The following HDAC9 variants were observed in gnomAD, a reference collection of about 807,000 sequenced individuals.
HDAC9 encodes histone deacetylase 9, also known as MEF-2 interacting transcription repressor (MITR) protein.
Under a neutral mutation model 139.4 loss-of-function variants are expected in HDAC9, and 41 were observed. That is an observed-to-expected ratio of 0.29 (90% CI 0.23 to 0.38). The LOEUF is 0.38. Among genes scored for constraint, HDAC9 ranks in the 10% least tolerant of loss-of-function variants. HDAC9 has a pLI of 1.00. For missense variants in HDAC9, 1,147 were observed against 1,297.0 expected, an observed-to-expected ratio of 0.88 and a Z score of 1.78; for synonymous variants, 517 against 476.2, an observed-to-expected ratio of 1.09 and a Z score of -1.12.
chr7:18,728,652 T>G lies in HDAC9; in HGVS notation c.1909+895T>G, dbSNP rs148444698. ...TACCTTCCCCAAAGGCTCTTTTGAG[T>G]TCTCTGATTTATTTTAAAATCCATT... On this transcript the variant is annotated intron_variant, in intron 13 of 25. Transcript: ENST00000686413. Among the ~76,000 whole-genome samples, 419 of 152,318 alleles carry G rather than the reference T, an allele frequency of 2.8e-3. 3 individuals carry two copies. The highest frequency in any genetic ancestry group is 9.5e-3 in the African/African-American group (396 of 41,574).
intron 11 of HDAC9, among the ~76,000 whole-genome samples, chr7:18,654,832 A>C (rs144163735): frequency 2.6e-4 from 39 of 152,248 alleles, no homozygotes; most frequent in Middle Eastern, 3.4e-3. Context: ...ACCTCCTTCA[A>C]GTTACTCACT....
chr7:18,626,045 A>G (rs906670841), intron 6 of HDAC9, among the ~76,000 whole-genome samples: 6 of 149,634 alleles, frequency 4.0e-5, no homozygotes, highest in Non-Finnish European at 7.4e-5. Context: ...ATAGACTTTT[A>G]TGAAGGGACT....
At chr7:18,831,796 C>CAA (rs140010219) in intron 19 of HDAC9, among the ~76,000 whole-genome samples, 14 of 142,372 alleles carry the variant, frequency 9.8e-5, no homozygotes, top group African/African-American at 3.6e-4. Flanking sequence ...TTTCCGTAGC[C>CAA]AAAAAAAAAA....
chr7:18,704,337 A>G lies in HDAC9; in HGVS notation c.1732-23243A>G, dbSNP rs1783722891. ...TTGGGACTTTTCCTTGCTTAGGAAT[A>G]TTAGAAGTATTGTGGGCTCTTCCTT... is the stretch of plus-strand genomic sequence containing the variant. On this transcript the variant is annotated intron_variant, in intron 12 of 25. Coordinates refer to ENST00000686413, the MANE Select transcript of HDAC9 (RefSeq NM_178425.4). 1.3e-5 allele frequency among the ~76,000 whole-genome samples: 2 copies of G among 152,208 alleles called. 1 individual carries two copies. Among genetic ancestry groups the G allele is most frequent in the South Asian group, 4.1e-4 (2 of 4,830 alleles).
intron 13 of HDAC9, among the ~76,000 whole-genome samples, chr7:18,747,372 T>C (rs2129146056): frequency 6.6e-6 from 1 of 152,242 alleles, no homozygotes; most frequent in Admixed American, 6.5e-5. Flanking sequence ...GTTTTGGCAG[T>C]GGAGATAAGG....
chr7:18,202,127 A>G (rs1489260216), intron 2 of HDAC9, among the ~76,000 whole-genome samples: 1 of 152,194 alleles, frequency 6.6e-6, no homozygotes, highest in East Asian at 1.9e-4. Context: ...ATTCTCAGCC[A>G]TCTATAGGTG....
At chr7:18,148,627 T>G (rs1786525122) in intron 1 of HDAC9, among the ~76,000 whole-genome samples, 1 of 152,066 alleles carries the variant, frequency 6.6e-6, no homozygotes, top group Non-Finnish European at 1.5e-5. Context: ...CAGCTAATTT[T>G]TTTTGTATTT....
intron 2 of HDAC9, among the ~76,000 whole-genome samples, chr7:18,556,495 A>C (rs182025195): frequency 1.3e-3 from 191 of 152,180 alleles, no homozygotes; most frequent in African/African-American, 4.5e-3. Context: ...TTACGATAGC[A>C]GTATCCTATG....
chr7:18,606,414 T>G (rs1456484857), intron 6 of HDAC9, among the ~76,000 whole-genome samples: 1 of 152,192 alleles, frequency 6.6e-6, no homozygotes, highest in African/African-American at 2.4e-5. Flanking sequence ...TCTTACAAAT[T>G]AATGATTATA....
chr7:18,109,902 A>G (rs933298187), intron 1 of HDAC9, among the ~76,000 whole-genome samples: 31 of 152,174 alleles, frequency 2.0e-4, no homozygotes, highest in African/African-American at 7.0e-4. Context: ...CCCCACATCA[A>G]TCATTGTATG....
Position 18,998,008 on chromosome 7 carries a change from C to A in HDAC9, c.*1946C>A, listed in dbSNP as rs1340355569. 4 of 152,172 alleles carry A rather than the reference C, an allele frequency of 2.6e-5. No individual in the cohort carries two copies. The highest frequency in any genetic ancestry group is 2.1e-4 in the South Asian group (1 of 4,822). 9.4% of individuals were successfully genotyped at this position (152,172 alleles called of 1,614,324 possible). ...ATCAATTTTTTATAAATTTTATTTT[C>A]ATGAGAAATTCATACCAATCATATT... On this transcript the variant is annotated 3_prime_UTR_variant, in exon 26 of 26. Transcript: ENST00000686413.
chr7:18,932,288 C>G (rs1407414078), intron 22 of HDAC9, among the ~76,000 whole-genome samples: 1 of 152,058 alleles, frequency 6.6e-6, no homozygotes, highest in Non-Finnish European at 1.5e-5. Flanking sequence ...GCAATTGCCC[C>G]TGAAATTGGA....
chr7:18,901,745 T>C (rs954303234), intron 22 of HDAC9, among the ~76,000 whole-genome samples: 1 of 152,126 alleles, frequency 6.6e-6, no homozygotes, highest in Non-Finnish European at 1.5e-5. Flanking sequence ...TCATAACTTA[T>C]CTTATTTAAT....
At chr7:18,910,281 G>T (rs1327622368) in intron 22 of HDAC9, among the ~76,000 whole-genome samples, 2 of 151,788 alleles carry the variant, frequency 1.3e-5, no homozygotes, top group East Asian at 3.9e-4. Context: ...GACCTCCTTG[G>T]TTAAATATTT....
chr7:18,144,777 A>G (rs1490905341), intron 1 of HDAC9, among the ~76,000 whole-genome samples: 1 of 151,808 alleles, frequency 6.6e-6, no homozygotes, highest in Non-Finnish European at 1.5e-5. Flanking sequence ...CATCTCAGTC[A>G]CTGTGCTAGC....
chr7:18,276,658 G>A (rs1447396265), intron 2 of HDAC9, among the ~76,000 whole-genome samples: 1 of 152,144 alleles, frequency 6.6e-6, no homozygotes, highest in Non-Finnish European at 1.5e-5. Flanking sequence ...GATAGAATAT[G>A]TGACTTTTTT....
At chr7:18,798,968 C>G (rs1793048534) in intron 17 of HDAC9, among the ~76,000 whole-genome samples, 1 of 151,760 alleles carries the variant, frequency 6.6e-6, no homozygotes, top group Admixed American at 6.6e-5. Flanking sequence ...TTTTGAGGCT[C>G]TGTTCAAACA....
At chr7:18,109,790 T>C (rs751453910) in intron 1 of HDAC9, among the ~76,000 whole-genome samples, 35 of 152,312 alleles carry the variant, frequency 2.3e-4, no homozygotes, top group Non-Finnish European at 4.4e-4. Context: ...TTAATCTATC[T>C]TAAGGAGTTG....
intron 13 of HDAC9, among the ~76,000 whole-genome samples, chr7:18,747,904 A>G (rs1010331141): frequency 9.2e-5 from 14 of 152,212 alleles, no homozygotes; most frequent in Non-Finnish European, 1.5e-4. Context: ...GGAGAATAAA[A>G]TGTACTTTAT....
Sources: gnomAD v4.1 joint callset for allele counts (sites outside exome capture counted in the v4.1 genomes callset) on GRCh38, gnomAD v4.1.1 for gene constraint, MANE v1.5 for transcripts, NCBI Gene and HGNC (gene_info 2026-07-23, HGNC 2026-07-21) for gene names.